The following P2RX5 variants were observed in gnomAD, a reference collection of about 807,000 sequenced individuals.
P2RX5 encodes purinergic receptor P2X 5.
Under a neutral mutation model 54.1 loss-of-function variants are expected in P2RX5, and 46 were observed. The ratio of observed to expected loss-of-function variants is 0.85; its 90% CI spans 0.67 to 1.09. The LOEUF (loss-of-function observed/expected upper bound fraction) is 1.09, where lower values mean the gene tolerates loss of function less well. Among genes scored for constraint, P2RX5 ranks in the 50% least tolerant of loss-of-function variants. The pLI, the probability that P2RX5 is intolerant of heterozygous loss-of-function variation, is 0.00. For synonymous variants in P2RX5, 226 were observed against 226.4 expected, an observed-to-expected ratio of 1.00 and a Z score of 0.02; for missense variants, 566 against 549.8, an observed-to-expected ratio of 1.03 and a Z score of -0.29.
chr17:3,718,395 T>G, the P2RX5 span: 5 of 152,246 alleles, frequency 3.3e-5, no homozygotes, highest in African/African-American at 9.6e-5. Flanking sequence ...GGCAACTTTG[T>G]GCTGGCCATG....
the P2RX5 span, among the ~76,000 whole-genome samples, chr17:3,711,539 C>T: frequency 1.3e-5 from 2 of 149,308 alleles, no homozygotes; most frequent in Non-Finnish European, 3.0e-5. Context: ...CCCACCACCA[C>T]GCCCAGCTAA....
intron 9 of P2RX5, among the ~76,000 whole-genome samples, chr17:3,684,639 A>G (rs200022053): frequency 1.0e-5 from 1 of 97,342 alleles, no homozygotes; most frequent in Non-Finnish European, 2.4e-5. Context: ...AAAATATAGT[A>G]TCGACCAGAA....
At chr17:3,704,160 A>G in the P2RX5 span, among the ~76,000 whole-genome samples, 1 of 152,126 alleles carries the variant, frequency 6.6e-6, no homozygotes, top group African/African-American at 2.4e-5. Flanking sequence ...CCATAAAATC[A>G]TATGGTTCTT....
At chr17:3,683,388 G>T (rs971835451) in intron 9 of P2RX5, among the ~76,000 whole-genome samples, 5 of 152,210 alleles carry the variant, frequency 3.3e-5, no homozygotes, top group Admixed American at 2.6e-4. Context: ...ATTACTTCCA[G>T]TTCACAGGTC....
chr17:3,695,822 C>T lies in P2RX5; in HGVS notation c.137+47G>A, dbSNP rs772409367. 3.3e-5 allele frequency: 52 copies of T among 1,588,014 alleles called. 1 individual carries two copies. The South Asian group carries it at 5.2e-4, about 16-fold the overall frequency. On this transcript the variant is annotated intron_variant, in intron 1 of 11. Coordinates refer to ENST00000225328, the MANE Select transcript of P2RX5 (RefSeq NM_002561.4). ...TGGAGAAGGACGCGGCGGCTGGCAC[C>T]CGCCCTGCCCCTCCCCCGCCTTCCC... is the stretch of plus-strand genomic sequence containing the variant.
chr17:3,690,876 C>T lies in P2RX5; in HGVS notation c.360+80G>A. The stretch of plus-strand genomic sequence containing the variant: ...GAGACCCTTGGAGTGGACAGACACC[C>T]TTGCTTCAGAAGAGAGTAGACCCCA... On this transcript the variant is annotated intron_variant, in intron 3 of 11. Transcript: ENST00000225328. 2.2e-6 allele frequency: 3 copies of T among 1,339,594 alleles called. No homozygotes were observed. In the South Asian group the frequency reaches 3.6e-5, roughly 16 times the overall value. The allele number at this position is 1,339,594 out of a possible 1,614,324, so 83.0% of individuals were successfully genotyped here.
intron 9 of P2RX5, among the ~76,000 whole-genome samples, chr17:3,684,366 G>A (rs2050373563): frequency 6.6e-6 from 1 of 152,276 alleles, no homozygotes; most frequent in South Asian, 2.1e-4. Flanking sequence ...CACTTGGGGA[G>A]GCCAATGCCG....
the P2RX5 span, among the ~76,000 whole-genome samples, chr17:3,713,076 A>G: frequency 4.4e-3 from 665 of 152,328 alleles, no homozygotes; most frequent in Non-Finnish European, 6.3e-3. Context: ...CAAAAGCATA[A>G]TAACAGGTCA....
chr17:3,676,569 T>G (rs1226552035), intron 11 of P2RX5: 9 of 985,312 alleles, frequency 9.1e-6, no homozygotes, highest in Non-Finnish European at 1.1e-5. Context: ...CTAGGCAGCA[T>G]GCGTGTAAGT....
the P2RX5 span, among the ~76,000 whole-genome samples, chr17:3,711,498 T>G: frequency 6.9e-6 from 1 of 145,120 alleles, no homozygotes; most frequent in African/African-American, 2.5e-5. Flanking sequence ...TTCTCCTGCC[T>G]CAGCCTCCAG....
At chr17:3,711,030 A>G in the P2RX5 span, among the ~76,000 whole-genome samples, 1 of 152,216 alleles carries the variant, frequency 6.6e-6, no homozygotes, top group African/African-American at 2.4e-5. Flanking sequence ...GAGTGGCCCT[A>G]TGGCATGACT....
the P2RX5 span, among the ~76,000 whole-genome samples, chr17:3,704,266 T>A: frequency 6.6e-6 from 1 of 152,236 alleles, no homozygotes; most frequent in East Asian, 1.9e-4. Context: ...GAATCTCTCC[T>A]GGGGCACAGA....
At position 3,691,731 on chromosome 17, in the gene P2RX5, G is replaced by A. The variant is rs759983037; in HGVS notation, c.201C>T (p.Ile67=). ...DVDTSLQSAV[I]TKVKGVAFTN... ...TGAAGGCCACGCCCTTGACTTTGGTGATGACAGCACTCTGCAGGGAGGTGT... is the reference window on the plus strand; with the variant it reads ...TGAAGGCCACGCCCTTGACTTTGGTAATGACAGCACTCTGCAGGGAGGTGT... The change falls in exon 2 of 12, where the codon ATC becomes ATT. Residue 67 remains isoleucine, a synonymous_variant. Transcript: ENST00000225328. 3 of 1,614,236 alleles carry A rather than the reference G, an allele frequency of 1.9e-6. No individual in the cohort carries two copies. Among genetic ancestry groups the A allele is most frequent in the Admixed American group, 1.7e-5 (1 of 60,034 alleles).
At chr17:3,675,901 C>G in intron 11 of P2RX5, 1 of 985,370 alleles carries the variant, frequency 1.0e-6, no homozygotes, top group Non-Finnish European at 1.2e-6. Flanking sequence ...TGCAGGTTCC[C>G]TTCCCAGAAA....
intron 10 of P2RX5, 36 bp downstream of exon 10, chr17:3,681,860 C>T (rs374838528): frequency 1.4e-6 from 2 of 1,431,900 alleles, no homozygotes; most frequent in Non-Finnish European, 9.9e-7. Flanking sequence ...CTCCACAGGG[C>T]TGCCCTCGGG....
At chr17:3,680,455 GTCCTCCACCCAGTGTCCTCCACCCTGCA>G (rs1567730507) in intron 10 of P2RX5, among the ~76,000 whole-genome samples, 1 of 60,038 alleles carries the variant, frequency 1.7e-5, no homozygotes, top group Non-Finnish European at 2.9e-5. Flanking sequence ...TCCACCCTGA[GTCCTCCACCCAGTGTCCTCCACCCTGCA>G]TCCTCCACCC....
chr17:3,689,226 C>T (rs952689997), intron 7 of P2RX5, among the ~76,000 whole-genome samples: 15 of 150,244 alleles, frequency 1.0e-4, no homozygotes, highest in Admixed American at 9.9e-4. Flanking sequence ...CACCCTCGCC[C>T]GCTGCCACGG....
At position 3,677,340 on chromosome 17, in the gene P2RX5, C is replaced by T. The variant is rs1202381577; in HGVS notation, c.1259+2250G>A. ...TCTGGGCAGGTCCATATTCCCCGGG[C>T]GTCCCGAGGCTGGTGGAGTCAGATG... On this transcript the variant is annotated intron_variant, in intron 11 of 11. Coordinates refer to ENST00000225328, the MANE Select transcript of P2RX5 (RefSeq NM_002561.4). 5 of 966,682 alleles carry T rather than the reference C, an allele frequency of 5.2e-6. No homozygotes were observed. In the African/African-American group the frequency reaches 6.2e-5, roughly 12 times the overall value. The allele number at this position is 966,682 out of a possible 1,614,324, so 59.9% of individuals were successfully genotyped here.
At chr17:3,708,976 G>A in the P2RX5 span, among the ~76,000 whole-genome samples, 1 of 151,874 alleles carries the variant, frequency 6.6e-6, no homozygotes, top group Non-Finnish European at 1.5e-5. Context: ...TTTTGAGACA[G>A]AGTCTTGCTC....
Sources: gnomAD v4.1 joint callset for allele counts (sites outside exome capture counted in the v4.1 genomes callset) on GRCh38, gnomAD v4.1.1 for gene constraint, MANE v1.5 for transcripts, NCBI Gene and HGNC (gene_info 2026-07-23, HGNC 2026-07-21) for gene names.